The following CNTNAP2 variants were observed in gnomAD, a reference collection of about 807,000 sequenced individuals.
The protein encoded by CNTNAP2 is contactin associated protein 2, also known as contactin-associated protein-like 2.
In CNTNAP2, 98 loss-of-function variants were observed where a neutral mutation model predicts 155.2. The ratio of observed to expected loss-of-function variants is 0.63; its 90% confidence interval spans 0.54 to 0.75. CNTNAP2 has a LOEUF of 0.75. CNTNAP2 is among the 30% of genes least tolerant of loss of function. The pLI is 0.00. For synonymous variants in CNTNAP2, 651 were observed against 631.2 expected (o/e 1.03, Z -0.47); for missense variants, 1,727 against 1,688.1 (o/e 1.02, Z -0.40).
At chr7:147,211,053 T>C (rs1331791596) in intron 8 of CNTNAP2, among the ~76,000 whole-genome samples, 2 of 151,872 alleles carry the variant, frequency 1.3e-5, no homozygotes, top group East Asian at 3.9e-4. Context: ...GCTTTATGGC[T>C]GAACATGTGG....
chr7:146,987,949 G>GCTTGAGGT (rs1463126251), intron 3 of CNTNAP2, among the ~76,000 whole-genome samples: 2 of 152,008 alleles, frequency 1.3e-5, no homozygotes, highest in Non-Finnish European at 2.9e-5. Flanking sequence ...ATAGTATAAT[G>GCTTGAGGT]ACAGGTACAT....
At chr7:146,641,244 G>T (rs772331547) in intron 1 of CNTNAP2, among the ~76,000 whole-genome samples, 2 of 152,118 alleles carry the variant, frequency 1.3e-5, no homozygotes, top group Non-Finnish European at 2.9e-5. Flanking sequence ...GGAGAATGGC[G>T]TGAACCCAGA....
chr7:146,962,323 C>T (rs1429035738), intron 3 of CNTNAP2, among the ~76,000 whole-genome samples: 4 of 152,082 alleles, frequency 2.6e-5, no homozygotes, highest in African/African-American at 9.7e-5. Context: ...TTACTGCTGC[C>T]GATCTTTACT....
chr7:146,214,357 G>C (rs1050484772), intron 1 of CNTNAP2, among the ~76,000 whole-genome samples: 1 of 152,120 alleles, frequency 6.6e-6, no homozygotes, highest in Non-Finnish European at 1.5e-5. Flanking sequence ...ATACTCACTT[G>C]ATACAGTGAC....
chr7:148,017,442 T>C (rs1479619719), intron 15 of CNTNAP2, among the ~76,000 whole-genome samples: 1 of 152,226 alleles, frequency 6.6e-6, no homozygotes, highest in African/African-American at 2.4e-5. Flanking sequence ...ACAAAAAGGC[T>C]GCTTATGTTA....
intron 21 of CNTNAP2, among the ~76,000 whole-genome samples, chr7:148,296,364 C>G (rs935965403): frequency 2.0e-5 from 3 of 151,346 alleles, no homozygotes; most frequent in African/African-American, 4.9e-5. Flanking sequence ...AGTGAGACCC[C>G]CCCCGCCCAC....
At chr7:146,587,520 C>T (rs1798712116) in intron 1 of CNTNAP2, among the ~76,000 whole-genome samples, 1 of 152,082 alleles carries the variant, frequency 6.6e-6, no homozygotes, top group Non-Finnish European at 1.5e-5. Context: ...ACCTTTTAAT[C>T]ACATTTTAGT....
At chr7:146,332,651 G>A (rs41520144) in intron 1 of CNTNAP2, among the ~76,000 whole-genome samples, 3,138 of 152,162 alleles carry the variant, frequency 0.021, 122 homozygotes, top group African/African-American at 0.07. Flanking sequence ...AAAGTGAATC[G>A]TTAATACAGG....
intron 13 of CNTNAP2, among the ~76,000 whole-genome samples, chr7:147,800,010 G>C (rs1412532923): frequency 6.6e-6 from 1 of 152,158 alleles, no homozygotes; most frequent in Admixed American, 6.5e-5. Flanking sequence ...GAGTACAAAA[G>C]AAATAGAAGA....
chr7:147,098,467 C>T (rs1800589649), intron 4 of CNTNAP2, among the ~76,000 whole-genome samples: 1 of 151,872 alleles, frequency 6.6e-6, no homozygotes, highest in South Asian at 2.1e-4. Context: ...TTTAACTCAC[C>T]CCATTACTTC....
At chr7:146,309,162 G>C (rs537609138) in intron 1 of CNTNAP2, among the ~76,000 whole-genome samples, 1 of 152,230 alleles carries the variant, frequency 6.6e-6, no homozygotes, top group East Asian at 1.9e-4. Context: ...AGTAATTTTA[G>C]GATGTTTCCA....
chr7:147,423,037 T>A (rs1797321157), intron 10 of CNTNAP2, among the ~76,000 whole-genome samples: 2 of 152,192 alleles, frequency 1.3e-5, no homozygotes. Flanking sequence ...AGTCAAGAAG[T>A]GTGAACAGAT....
At chr7:147,431,600 C>T (rs993236322) in intron 10 of CNTNAP2, among the ~76,000 whole-genome samples, 1 of 152,206 alleles carries the variant, frequency 6.6e-6, no homozygotes, top group African/African-American at 2.4e-5. Flanking sequence ...CTCCATCACT[C>T]AACCAAGACA....
At chr7:147,601,790 T>C (rs893153595) in intron 12 of CNTNAP2, among the ~76,000 whole-genome samples, 1 of 151,796 alleles carries the variant, frequency 6.6e-6, no homozygotes, top group African/African-American at 2.4e-5. Context: ...TACAATCGGA[T>C]TGAATTGTAA....
At chr7:146,327,863 AAGG>A (rs1224522892) in intron 1 of CNTNAP2, among the ~76,000 whole-genome samples, 1 of 152,214 alleles carries the variant, frequency 6.6e-6, no homozygotes, top group African/African-American at 2.4e-5. Flanking sequence ...ACATTAACAT[AAGG>A]AGAACAAGAG....
intron 1 of CNTNAP2, among the ~76,000 whole-genome samples, chr7:146,457,354 A>C (rs1051576412): frequency 6.6e-6 from 1 of 151,450 alleles, no homozygotes; most frequent in African/African-American, 2.4e-5. Context: ...AAGGGACTGC[A>C]TGTGATGAAT....
intron 3 of CNTNAP2, among the ~76,000 whole-genome samples, chr7:146,841,996 C>T (rs1264727821): frequency 6.6e-6 from 1 of 151,928 alleles, no homozygotes; most frequent in Non-Finnish European, 1.5e-5. Flanking sequence ...CATTCTCCTG[C>T]CTCAGCCTCC....
chr7:147,839,271 C>T (rs1015283536), intron 13 of CNTNAP2, among the ~76,000 whole-genome samples: 2 of 152,178 alleles, frequency 1.3e-5, no homozygotes, highest in Admixed American at 6.5e-5. Flanking sequence ...CCCTCACAGA[C>T]ATACCCAGGA....
At chr7:146,136,159 T>A (rs776497038) in intron 1 of CNTNAP2, among the ~76,000 whole-genome samples, 2 of 152,174 alleles carry the variant, frequency 1.3e-5, no homozygotes, top group Non-Finnish European at 2.9e-5. Context: ...AAAAAAAGTC[T>A]AAGAAGATGA....
Sources: gnomAD v4.1 joint callset for allele counts (sites outside exome capture counted in the v4.1 genomes callset) on GRCh38, gnomAD v4.1.1 for gene constraint, MANE v1.5 for transcripts, NCBI Gene and HGNC (gene_info 2026-07-23, HGNC 2026-07-21) for gene names.